The following UNC5C variants were observed in gnomAD, a reference collection of about 807,000 sequenced individuals.
UNC5C encodes the protein netrin receptor UNC5C.
A neutral mutation model predicts 99.8 loss-of-function variants in UNC5C; 47 were observed. That is an observed-to-expected ratio of 0.47 (90% CI 0.37 to 0.60). The LOEUF (loss-of-function observed/expected upper bound fraction) is 0.60, where lower values mean the gene tolerates loss of function less well. UNC5C is among the 20% of genes least tolerant of loss of function. The pLI is 0.00. For missense variants in UNC5C, 1,062 were observed against 1,165.9 expected (o/e 0.91, Z 1.30); for synonymous variants, 487 against 452.2 (o/e 1.08, Z -0.98).
intron 1 of UNC5C, among the ~76,000 whole-genome samples, chr4:95,491,402 T>C (rs545407999): frequency 6.6e-6 from 1 of 151,764 alleles, no homozygotes; most frequent in Admixed American, 6.6e-5. Flanking sequence ...TAAACAAAAG[T>C]TATTTTAATG....
At chr4:95,289,679 C>T (rs1273731756) in intron 3 of UNC5C, among the ~76,000 whole-genome samples, 1 of 152,122 alleles carries the variant, frequency 6.6e-6, no homozygotes, top group Non-Finnish European at 1.5e-5. Context: ...TATCTTTCTT[C>T]CAATAATGAT....
intron 1 of UNC5C, among the ~76,000 whole-genome samples, chr4:95,412,072 T>A (rs1270517313): frequency 1.3e-5 from 2 of 151,948 alleles, no homozygotes; most frequent in African/African-American, 4.8e-5. Context: ...AAATGCCCAC[T>A]TCCTGGTTGG....
chr4:95,301,901 G>A (rs918793326), intron 2 of UNC5C, 152 bp from the exon 3 acceptor site: 18 of 1,044,450 alleles, frequency 1.7e-5, no homozygotes, highest in East Asian at 2.6e-5. Context: ...CTTTCTTCTC[G>A]TTCCAGTTAT....
chr4:95,513,376 G>T (rs1722128943), intron 1 of UNC5C, among the ~76,000 whole-genome samples: 2 of 152,130 alleles, frequency 1.3e-5, no homozygotes, highest in Admixed American at 6.6e-5. Flanking sequence ...AGAAGGTAAT[G>T]GTTGGATAAA....
intron 1 of UNC5C, among the ~76,000 whole-genome samples, chr4:95,447,218 C>A (rs1024064267): frequency 6.6e-6 from 1 of 152,088 alleles, no homozygotes; most frequent in African/African-American, 2.4e-5. Flanking sequence ...TATTCAATTA[C>A]TATTCTAGAT....
intron 14 of UNC5C, among the ~76,000 whole-genome samples, chr4:95,182,224 C>G (rs1010430735): frequency 1.3e-5 from 2 of 152,156 alleles, no homozygotes; most frequent in African/African-American, 4.8e-5. Context: ...AAATAGCCAA[C>G]TGAAGTGTGT....
chr4:95,258,746 C>CTT (rs775570031), intron 4 of UNC5C, among the ~76,000 whole-genome samples: 891 of 76,038 alleles, frequency 0.012, 93 homozygotes, highest in African/African-American at 0.02. Context: ...CCATCTTATT[C>CTT]TTTTTTTTTT....
At chr4:95,190,819 C>T (rs981612248) in intron 12 of UNC5C, among the ~76,000 whole-genome samples, 3 of 152,206 alleles carry the variant, frequency 2.0e-5, no homozygotes, top group Non-Finnish European at 4.4e-5. Flanking sequence ...TTCCCCACTG[C>T]GGGCGCTGCC....
At chr4:95,275,727 C>T (rs2149393100) in intron 4 of UNC5C, among the ~76,000 whole-genome samples, 1 of 152,310 alleles carries the variant, frequency 6.6e-6, no homozygotes, top group South Asian at 2.1e-4. Context: ...GGAATTACTG[C>T]TTCCTGACAT....
At chr4:95,452,777 G>A (rs1747314961) in intron 1 of UNC5C, among the ~76,000 whole-genome samples, 1 of 152,098 alleles carries the variant, frequency 6.6e-6, no homozygotes, top group African/African-American at 2.4e-5. Context: ...TTATAGGGGA[G>A]GCTTTTGTTT....
At chr4:95,527,585 A>G (rs1722531306) in intron 1 of UNC5C, among the ~76,000 whole-genome samples, 1 of 152,130 alleles carries the variant, frequency 6.6e-6, no homozygotes. Flanking sequence ...GTGCATATAT[A>G]TTTAACATAG....
chr4:95,348,787 A>T (rs1316029821), intron 1 of UNC5C, among the ~76,000 whole-genome samples: 4 of 151,418 alleles, frequency 2.6e-5, no homozygotes, highest in Non-Finnish European at 5.9e-5. Flanking sequence ...ATTTAGTTAT[A>T]AAAAAAGACT....
chr4:95,319,770 A>T (rs1043748438), intron 2 of UNC5C, among the ~76,000 whole-genome samples: 2 of 152,128 alleles, frequency 1.3e-5, no homozygotes, highest in African/African-American at 2.4e-5. Flanking sequence ...TTTTTAACTA[A>T]AAAGTTCTCT....
chr4:95,306,449 G>T (rs539790015), intron 2 of UNC5C, among the ~76,000 whole-genome samples: 2 of 151,956 alleles, frequency 1.3e-5, no homozygotes, highest in Admixed American at 6.6e-5. Context: ...TGATCCACCC[G>T]CCTCGGCCTC....
rs1007907059 is a variant in UNC5C, at chr4:95,280,153, C to T, written c.491-1791G>A. Among the ~76,000 whole-genome samples the T allele has an allele frequency of 2.6e-5, 4 of 152,008 alleles. 1 individual carries two copies. The highest frequency in any genetic ancestry group is 2.6e-4 in the Admixed American group (4 of 15,252). ...GTGACCCCTGCTCGCAAGGTATATC[C>T]CTAATAGAGCTCTACCAGAAAGCAC... On this transcript the variant is annotated intron_variant, in intron 3 of 15. Coordinates refer to ENST00000453304, the MANE Select transcript of UNC5C (RefSeq NM_003728.4).
chr4:95,425,292 T>C (rs1429579144), intron 1 of UNC5C, among the ~76,000 whole-genome samples: 1 of 152,366 alleles, frequency 6.6e-6, no homozygotes, highest in Admixed American at 6.5e-5. Flanking sequence ...AAAAGTATAA[T>C]TGTTAGAAAT....
chr4:95,480,724 A>G (rs1052769639), intron 1 of UNC5C, among the ~76,000 whole-genome samples: 1 of 152,138 alleles, frequency 6.6e-6, no homozygotes, highest in Non-Finnish European at 1.5e-5. Flanking sequence ...CAATAAATGT[A>G]ATCCAGCATA....
Position 95,382,015 on chromosome 4 carries a change from C to T in UNC5C, c.125-46384G>A, listed in dbSNP as rs996954551. On this transcript the variant is annotated intron_variant, in intron 1 of 15. Transcript: ENST00000453304. The stretch of plus-strand genomic sequence containing the variant: ...CACTCTCAAGCTCAGGAGTCCCAGA[C>T]GAAGTAAGAAGCTTGTCTCCAAGCT... Among the ~76,000 whole-genome samples, 10 of 152,088 alleles carry T rather than the reference C, an allele frequency of 6.6e-5. 1 individual carries two copies. Among genetic ancestry groups the T allele is most frequent in the Admixed American group, 2.0e-4 (3 of 15,258 alleles).
chr4:95,535,931 C>G (rs1722760933), intron 1 of UNC5C, among the ~76,000 whole-genome samples: 1 of 151,530 alleles, frequency 6.6e-6, no homozygotes, highest in Non-Finnish European at 1.5e-5. Context: ...GGAAACACAG[C>G]CATGATATAC....
Sources: allele counts gnomAD v4.1 joint callset (sites outside exome capture counted in the v4.1 genomes callset), GRCh38; gene constraint gnomAD v4.1.1; transcripts MANE v1.5; gene names NCBI Gene and HGNC (gene_info 2026-07-23, HGNC 2026-07-21).